UST: variants seen among roughly 807,000 people sequenced by gnomAD.
UST encodes uronyl 2-sulfotransferase.
A neutral mutation model predicts 45.6 loss-of-function variants in UST; 21 were observed. The ratio of observed to expected loss-of-function variants is 0.46; its 90% CI spans 0.33 to 0.66. The LOEUF (loss-of-function observed/expected upper bound fraction) is 0.66. UST is among the 30% of genes least tolerant of loss of function. The pLI, the probability that UST is intolerant of heterozygous loss-of-function variation, is 0.02. For missense variants in UST, 463 were observed against 512.4 expected (o/e 0.90, Z 0.93); for synonymous variants, 215 against 200.6 (o/e 1.07, Z -0.61).
chr6:148,967,967 T>C (rs952988470), intron 5 of UST, among the ~76,000 whole-genome samples: 3 of 152,136 alleles, frequency 2.0e-5, no homozygotes, highest in Non-Finnish European at 4.4e-5. Flanking sequence ...AAAGGAATCC[T>C]AGGATTTGCA....
At chr6:148,867,699 G>A (rs1319338032) in intron 1 of UST, among the ~76,000 whole-genome samples, 3 of 151,976 alleles carry the variant, frequency 2.0e-5, no homozygotes, top group African/African-American at 2.4e-5. Flanking sequence ...TTCACCTTCC[G>A]CCCTGATTGT....
intron 1 of UST, among the ~76,000 whole-genome samples, chr6:148,772,249 G>T (rs1159365309): frequency 6.6e-6 from 1 of 152,144 alleles, no homozygotes; most frequent in Non-Finnish European, 1.5e-5. Flanking sequence ...GCAGGAACAG[G>T]ATAGCAGTCA....
At chr6:148,875,686 C>A (rs1778635229) in intron 1 of UST, among the ~76,000 whole-genome samples, 1 of 152,230 alleles carries the variant, frequency 6.6e-6, no homozygotes, top group African/African-American at 2.4e-5. Flanking sequence ...CATCTGTAGT[C>A]CCAGATACTC....
intron 3 of UST, among the ~76,000 whole-genome samples, chr6:148,948,992 T>C (rs12528288): frequency 2.0e-5 from 3 of 152,164 alleles, no homozygotes; most frequent in Admixed American, 6.5e-5. Context: ...ACAGTAGGGA[T>C]AATAATACTT....
At chr6:149,006,608 A>G (rs558008645) in intron 5 of UST, among the ~76,000 whole-genome samples, 14 of 152,316 alleles carry the variant, frequency 9.2e-5, no homozygotes, top group Non-Finnish European at 1.3e-4. Context: ...TTGAGTATAT[A>G]CCCAGTAATG....
At chr6:148,933,652 G>C (rs1016889839) in intron 2 of UST, among the ~76,000 whole-genome samples, 1 of 152,198 alleles carries the variant, frequency 6.6e-6, no homozygotes, top group East Asian at 1.9e-4. Flanking sequence ...ATGGAGGAAA[G>C]GAGACTGGGA....
At chr6:148,887,955 C>T (rs566539395) in intron 2 of UST, among the ~76,000 whole-genome samples, 77 of 152,284 alleles carry the variant, frequency 5.1e-4, no homozygotes, top group Non-Finnish European at 9.7e-4. Flanking sequence ...TGTAAATACA[C>T]GGTGAGAAGA....
chr6:149,073,023 A>G (rs1051896413), intron 7 of UST, among the ~76,000 whole-genome samples: 2 of 152,248 alleles, frequency 1.3e-5, no homozygotes, highest in Non-Finnish European at 2.9e-5. Context: ...CACTCTATAT[A>G]TAACATTTTC....
chr6:148,964,336 G>T, intron 4 of UST, 74 bp from the exon 5 acceptor site: 2 of 1,559,052 alleles, frequency 1.3e-6, no homozygotes, highest in South Asian at 1.2e-5. Context: ...TAGAGGGAAG[G>T]GGAGATGTTG....
At chr6:148,771,501 G>A (rs2114673912) in intron 1 of UST, among the ~76,000 whole-genome samples, 1 of 152,332 alleles carries the variant, frequency 6.6e-6, no homozygotes. Flanking sequence ...TAAACCAGAA[G>A]CAAGTTTCTA....
intron 1 of UST, among the ~76,000 whole-genome samples, chr6:148,814,579 C>A (rs1777321882): frequency 6.6e-6 from 1 of 152,108 alleles, no homozygotes; most frequent in Non-Finnish European, 1.5e-5. Context: ...AGGGTTATGG[C>A]TCTGTAAGCT....
chr6:149,029,524 T>C (rs1027292240), intron 7 of UST, among the ~76,000 whole-genome samples: 1 of 148,132 alleles, frequency 6.8e-6, no homozygotes, highest in Non-Finnish European at 1.5e-5. Flanking sequence ...CACCACTAAC[T>C]CTGGCTTTAG....
intron 1 of UST, among the ~76,000 whole-genome samples, chr6:148,878,253 ATGAGTGCGGAGATCG>A (rs1778740995): frequency 1.1e-5 from 1 of 89,070 alleles, no homozygotes; most frequent in Non-Finnish European, 2.0e-5. Flanking sequence ...GAGATCGTGT[ATGAGTGCGGAGATCG>A]TGTATGAGTA....
intron 1 of UST, among the ~76,000 whole-genome samples, chr6:148,836,086 G>C (rs1263399783): frequency 6.6e-6 from 1 of 152,156 alleles, no homozygotes; most frequent in African/African-American, 2.4e-5. Flanking sequence ...TGAACAATCA[G>C]AGTTCATCGT....
chr6:148,878,222 C>T (rs568506519), intron 1 of UST, among the ~76,000 whole-genome samples: 5 of 70,554 alleles, frequency 7.1e-5, no homozygotes, highest in Middle Eastern at 0.017. Context: ...TGTAAGAGTG[C>T]GGGGGTCGTG....
chr6:148,839,653 C>T (rs1325685214), intron 1 of UST, among the ~76,000 whole-genome samples: 4 of 152,180 alleles, frequency 2.6e-5, no homozygotes, highest in African/African-American at 9.7e-5. Context: ...TTTGCAACTA[C>T]CAATGCTTGG....
intron 1 of UST, among the ~76,000 whole-genome samples, chr6:148,880,530 A>G (rs929942561): frequency 6.6e-6 from 1 of 152,240 alleles, no homozygotes; most frequent in African/African-American, 2.4e-5. Context: ...TAGTACATAC[A>G]AAGTCCTCCA....
chr6:149,007,019 A>C (rs535061198), intron 5 of UST, among the ~76,000 whole-genome samples: 1 of 152,248 alleles, frequency 6.6e-6, no homozygotes, highest in African/African-American at 2.4e-5. Context: ...ACTTCTCTTA[A>C]CTGGACTTCT....
At chr6:148,847,728 T>G (rs139619417) in intron 1 of UST, among the ~76,000 whole-genome samples, 109 of 152,340 alleles carry the variant, frequency 7.2e-4, no homozygotes, top group African/African-American at 2.4e-3. Context: ...AAGAGAATAT[T>G]ATATTTTTTA....
Sources: allele counts gnomAD v4.1 joint callset (sites outside exome capture counted in the v4.1 genomes callset), GRCh38; gene constraint gnomAD v4.1.1; transcripts MANE v1.5; gene names NCBI Gene and HGNC (gene_info 2026-07-23, HGNC 2026-07-21).